Variants in EPHB6 observed in about 807,000 individuals in gnomAD.
The protein encoded by EPHB6 is ephrin type-B receptor 6.
A neutral mutation model predicts 107.0 loss-of-function variants in EPHB6; 51 were observed. The observed-to-expected ratio is 0.48, with a 90% CI of 0.38 to 0.60. EPHB6 has a LOEUF of 0.60. Ranked by LOEUF, EPHB6 falls within the 20% of genes least tolerant of loss-of-function variation. The probability of loss-of-function intolerance (pLI) is 0.00; values close to 1 mark genes in which losing one functional copy is unlikely to be tolerated. For synonymous variants in EPHB6, 553 were observed against 549.0 expected (o/e 1.01, Z -0.10); for missense variants, 1,141 against 1,355.5 (o/e 0.84, Z 2.48).
rs1803099543 is a variant in EPHB6, at chr7:142,865,459, T to G, written c.950-16T>G. ...CAGAGCGAGTGTGACGCCCCCACTCTCCTCTGCCTCCTCAGCCTGCCCACG... is the reference window on the plus strand; with the variant it reads ...CAGAGCGAGTGTGACGCCCCCACTCGCCTCTGCCTCCTCAGCCTGCCCACG... On this transcript the variant is annotated splice_polypyrimidine_tract_variant and intron_variant, in intron 7 of 19. Coordinates refer to ENST00000652003, the MANE Select transcript of EPHB6 (RefSeq NM_004445.6). 6.2e-7 allele frequency: 1 copy of G among 1,612,648 alleles called. No homozygotes were observed. Among genetic ancestry groups the G allele is most frequent in the Non-Finnish European group, 8.5e-7 (1 of 1,179,978 alleles).
chr7:142,870,854 A>C lies in EPHB6; in HGVS notation c.3019A>C (p.Ile1007Leu), dbSNP rs1794890064. ...CCACCAGAAGAAGCTGCTGCACCAC[A>C]TCCAGCTCCTTCAGCAACACCTGAG... ...AGHQKKLLHH[I>L]QLLQQHLRQQ... Residue 1007 changes from isoleucine (I) to leucine (L), a missense_variant, in exon 20 of 20, where the codon ATC becomes CTC. Transcript: ENST00000652003. 1.9e-6 allele frequency: 3 copies of C among 1,613,956 alleles called. No homozygotes were observed. The highest frequency in any genetic ancestry group is 1.7e-6 in the Non-Finnish European group (2 of 1,179,974).
rs1794797228 is a variant in EPHB6, at chr7:142,869,510, C to T, written c.2461-307C>T. The stretch of plus-strand genomic sequence containing the variant: ...CTTGGACAAGTTCACTTTCTCTAAG[C>T]TTCACCTTCTGCTTCTGTGAAATGG... On this transcript the variant is annotated intron_variant, in intron 16 of 19. Transcript: ENST00000652003. The surrounding 1 kb of genome is among the most constrained non-coding windows in gnomAD (Gnocchi z 4.5). Among the ~76,000 whole-genome samples the T allele has an allele frequency of 1.3e-5, 2 of 152,208 alleles. No individual in the cohort carries two copies. The highest frequency in any genetic ancestry group is 2.9e-5 in the Non-Finnish European group (2 of 68,040).
intron 1 of EPHB6, among the ~76,000 whole-genome samples, chr7:142,859,068 T>G (rs1033309404): frequency 6.6e-6 from 1 of 152,258 alleles, no homozygotes; most frequent in African/African-American, 2.4e-5. Context: ...TATACACATC[T>G]GAAATGTGAA....
At chr7:142,865,423 G>A (rs917544289) in intron 7 of EPHB6, 52 bp from the exon 8 acceptor site, 1 of 1,609,970 alleles carries the variant, frequency 6.2e-7, no homozygotes, top group East Asian at 2.2e-5. Flanking sequence ...TGGGAGCTCA[G>A]GGTGGGTGGA....
In EPHB6 at chr7:142,864,073, G is replaced by A. The variant is rs1380647355; in HGVS notation, c.273G>A (p.Gln91=). 6.2e-7 allele frequency: 1 copy of A among 1,614,016 alleles called. No individual in the cohort carries two copies. The highest frequency in any genetic ancestry group is 8.5e-7 in the Non-Finnish European group (1 of 1,180,054). ...PPGTGQDNWL[Q]THFVERRGAQ... Reference sequence around the variant, plus strand: ...GCACCGGGCAGGACAATTGGTTGCAGACACACTTTGTGGAGCGGCGCGGGG... The same window carrying A: ...GCACCGGGCAGGACAATTGGTTGCAAACACACTTTGTGGAGCGGCGCGGGG... Residue 91 remains glutamine, a synonymous_variant, in exon 7 of 20, where the codon CAG becomes CAA. Coordinates refer to ENST00000652003, the MANE Select transcript of EPHB6 (RefSeq NM_004445.6).
rs1253575480 is a variant in EPHB6, at chr7:142,862,957, G to T, written c.-102+124G>T. Reference sequence around the variant, plus strand: ...ACTCCAAGATGGTCAAATGTGCACCGGCTCAGGAGAGGCAGTATGCAACCT... The same window carrying T: ...ACTCCAAGATGGTCAAATGTGCACCTGCTCAGGAGAGGCAGTATGCAACCT... On this transcript the variant is annotated intron_variant, in intron 4 of 19. Coordinates refer to ENST00000652003, the MANE Select transcript of EPHB6 (RefSeq NM_004445.6). The T allele has an allele frequency of 3.9e-5, 20 of 519,092 alleles. No individual in the cohort carries two copies. In the Middle Eastern group the frequency reaches 1.5e-3, roughly 38 times the overall value. The allele number at this position is 519,092 out of a possible 1,614,324, so 32.2% of individuals were successfully genotyped here.
rs1586180001 is a variant in EPHB6 at position 142,870,519 on chromosome 7, T to G, written c.2805-11T>G. 6.2e-7 allele frequency: 1 copy of G among 1,614,120 alleles called. No homozygotes were observed. The highest frequency in any genetic ancestry group is 1.3e-5 in the African/African-American group (1 of 75,048). On this transcript the variant is annotated splice_polypyrimidine_tract_variant and intron_variant, in intron 18 of 19. Coordinates refer to ENST00000652003, the MANE Select transcript of EPHB6 (RefSeq NM_004445.6). ...AGGAGACCTTGACCCTGCTTGCCCCTCCCCTCTTAGGCCTTCCCAGGCCCT... is the reference window on the plus strand; with the variant it reads ...AGGAGACCTTGACCCTGCTTGCCCCGCCCCTCTTAGGCCTTCCCAGGCCCT...
At position 142,866,046 on chromosome 7, in the gene EPHB6, G is replaced by A. The variant is rs770181705; in HGVS notation, c.1192G>A (p.Gly398Ser). Residue 398 changes from glycine to serine, a missense_variant, in exon 9 of 20, where the codon GGT (glycine) becomes AGT (serine). This residue lies in a region of EPHB6 where 304 missense variants were observed against 295.7 expected (regional missense o/e 1.03). Coordinates refer to ENST00000652003, the MANE Select transcript of EPHB6 (RefSeq NM_004445.6). This position sits in a 1 kb window ranked among gnomAD's most constrained non-coding sequence, Gnocchi z 5.2. The stretch of plus-strand genomic sequence containing the variant: ...CTGGCGCCTGCCTCGGGAGCTGGGG[G>A]GTCGAGGGGACCTGCTCTTCAATGT... ...LHWRLPRELG[G>S]RGDLLFNVVC... 7 of 1,612,554 alleles carry A rather than the reference G, an allele frequency of 4.3e-6. No individual in the cohort carries two copies. The highest frequency in any genetic ancestry group is 1.3e-5 in the African/African-American group (1 of 74,908).
chr7:142,870,958 G>A lies in EPHB6; in HGVS notation c.*54G>A. The A allele has an allele frequency of 6.5e-7, 1 of 1,547,950 alleles. No homozygotes were observed. The highest frequency in any genetic ancestry group is 8.8e-7 in the Non-Finnish European group (1 of 1,139,860). ...GACACTGGTCCGAGAAGGGACATGT[G>A]GGACGTGAGCCGGGCTCCAACAGCC... On this transcript the variant is annotated 3_prime_UTR_variant, in exon 20 of 20. Coordinates refer to ENST00000652003, the MANE Select transcript of EPHB6 (RefSeq NM_004445.6).
At chr7:142,858,008 A>G (rs904584574) in intron 1 of EPHB6, among the ~76,000 whole-genome samples, 2 of 152,218 alleles carry the variant, frequency 1.3e-5, no homozygotes, top group African/African-American at 4.8e-5. Context: ...TGGGGAGTGA[A>G]TAAAATGTAA....
rs775807092 is a variant in EPHB6, at chr7:142,866,047, G to A, written c.1193G>A (p.Gly398Asp). 1.1e-5 allele frequency: 17 copies of A among 1,612,494 alleles called. No individual in the cohort carries two copies. The East Asian group carries it at 2.2e-4, about 21-fold the overall frequency. Residue 398 changes from glycine (G) to aspartate (D), a missense_variant, in exon 9 of 20, where the codon GGT (glycine) becomes GAT (aspartate). Gly to Asp is a moderately conservative substitution (Grantham distance 94, BLOSUM62 -1). Coordinates refer to ENST00000652003, the MANE Select transcript of EPHB6 (RefSeq NM_004445.6). This position sits in a 1 kb window ranked among gnomAD's most constrained non-coding sequence, Gnocchi z 5.2. Reference sequence around the variant, plus strand: ...TGGCGCCTGCCTCGGGAGCTGGGGGGTCGAGGGGACCTGCTCTTCAATGTC... The same window carrying A: ...TGGCGCCTGCCTCGGGAGCTGGGGGATCGAGGGGACCTGCTCTTCAATGTC... ...LHWRLPRELGGRGDLLFNVVC... is the reference protein window; with the variant it reads ...LHWRLPRELGDRGDLLFNVVC...
chr7:142,865,044 T>A (rs1803076757), intron 7 of EPHB6, among the ~76,000 whole-genome samples: 1 of 152,180 alleles, frequency 6.6e-6, no homozygotes, highest in Non-Finnish European at 1.5e-5. Context: ...AGCTCCAGGG[T>A]TACTATGGAA....
Position 142,865,946 on chromosome 7 carries a change from C to T in EPHB6, c.1106-14C>T, listed in dbSNP as rs1161253879. 6.2e-7 allele frequency: 1 copy of T among 1,613,240 alleles called. No homozygotes were observed. Among genetic ancestry groups the T allele is most frequent in the Non-Finnish European group, 8.5e-7 (1 of 1,179,818 alleles). Reference sequence around the variant, plus strand: ...CTCTTGGCCCTTGGACTGCCATATCCTCCGGCCCCCCAGGTCCTCCATCGG... The same window carrying T: ...CTCTTGGCCCTTGGACTGCCATATCTTCCGGCCCCCCAGGTCCTCCATCGG... On this transcript the variant is annotated splice_polypyrimidine_tract_variant and intron_variant, in intron 8 of 19. Coordinates refer to ENST00000652003, the MANE Select transcript of EPHB6 (RefSeq NM_004445.6).
Position 142,868,556 on chromosome 7 carries a change from C to T in EPHB6, c.2103C>T (p.Ala701=). 1 of 1,613,620 alleles carries T rather than the reference C, an allele frequency of 6.2e-7. No homozygotes were observed. Among genetic ancestry groups the T allele is most frequent in the Non-Finnish European group, 8.5e-7 (1 of 1,179,982 alleles). ...GGGGACGGAGGGAGCAGACTGTGGC[C>T]ATCCAGGCCCTGTGGGCCGGGGGCG... ...QPRGRREQTV[A]IQALWAGGAE... The change falls in exon 15 of 20, where the codon GCC becomes GCT. Residue 701 remains alanine, a synonymous_variant. Transcript: ENST00000652003. This position sits in a 1 kb window ranked among gnomAD's most constrained non-coding sequence, Gnocchi z 4.2.
chr7:142,860,890 G>A (rs529249929), intron 1 of EPHB6, among the ~76,000 whole-genome samples, 162 bp from the exon 2 acceptor site: 1 of 152,192 alleles, frequency 6.6e-6, no homozygotes, highest in Non-Finnish European at 1.5e-5. Flanking sequence ...AAGTTTCATA[G>A]TTTGATTTTT....
intron 1 of EPHB6, among the ~76,000 whole-genome samples, chr7:142,859,841 G>A (rs145023269): frequency 2.5e-4 from 38 of 152,238 alleles, no homozygotes; most frequent in African/African-American, 7.5e-4. Flanking sequence ...TCTTTATGCT[G>A]TTTCTTGATG....
At chr7:142,863,511 C>G (rs1397772881) in intron 5 of EPHB6, 120 bp from the exon 6 acceptor site, 35 of 1,307,514 alleles carry the variant, frequency 2.7e-5, no homozygotes, top group Non-Finnish European at 3.6e-5. Flanking sequence ...CAGCTGTGCT[C>G]CTGCTGGCAA....
Position 142,868,702 on chromosome 7 carries a change from A to C in EPHB6, c.2249A>C (p.Glu750Ala), listed in dbSNP as rs1794740793. Residue 750 changes from glutamate (E) to alanine (A), a missense_variant, in exon 15 of 20, where the codon GAG (glutamate) becomes GCG (alanine). Physicochemically the swap from Glu to Ala is moderately radical, Grantham distance 107 (BLOSUM62 -1). This residue lies in a region of EPHB6 where 616 missense variants were observed against 759.3 expected (regional missense o/e 0.81). Coordinates refer to ENST00000652003, the MANE Select transcript of EPHB6 (RefSeq NM_004445.6). This position sits in a 1 kb window ranked among gnomAD's most constrained non-coding sequence, Gnocchi z 4.2. ...AGCCGACCCCTCATGGTGCTGACGG[A>C]GTTCATGGAGCTTGGCCCCCTGGAC... ...TKSRPLMVLT[E>A]FMELGPLDSF... 1 of 1,613,888 alleles carries C rather than the reference A, an allele frequency of 6.2e-7. No homozygotes were observed. Among genetic ancestry groups the C allele is most frequent in the African/African-American group, 1.3e-5 (1 of 75,024 alleles).
rs993779188 is a variant in EPHB6 at position 142,870,970 on chromosome 7, G to A, written c.*66G>A. ...AGAAGGGACATGTGGGACGTGAGCC[G>A]GGCTCCAACAGCCTCTGTGAGAGAT... On this transcript the variant is annotated 3_prime_UTR_variant, in exon 20 of 20. Transcript: ENST00000652003. The A allele has an allele frequency of 1.7e-5, 25 of 1,480,234 alleles. No homozygotes were observed. The highest frequency in any genetic ancestry group is 9.6e-5 in the East Asian group (4 of 41,730). The allele number at this position is 1,480,234 out of a possible 1,614,324, so 91.7% of individuals were successfully genotyped here. A position where few individuals can be genotyped will look rare whatever the true frequency, so the allele number is the denominator to read the frequency against.
Sources: gnomAD v4.1 joint callset for allele counts (sites outside exome capture counted in the v4.1 genomes callset) on GRCh38, gnomAD v4.1.1 for gene constraint, gnomAD v4.1.1 regional missense constraint, Gnocchi (gnomAD v3.1) non-coding constraint, MANE v1.5 for transcripts, NCBI Gene and HGNC (gene_info 2026-07-23, HGNC 2026-07-21) for gene names.